Variants in PRKAG2 observed in about 807,000 individuals in gnomAD.
PRKAG2 encodes the protein protein kinase AMP-activated non-catalytic subunit gamma 2.
Under a neutral mutation model 69.6 loss-of-function variants are expected in PRKAG2, and 26 were observed. The observed-to-expected ratio is 0.37, with a 90% CI of 0.27 to 0.52. The LOEUF is 0.52. Among genes scored for constraint, PRKAG2 ranks in the 20% least tolerant of loss-of-function variants. PRKAG2 has a pLI of 0.90. For missense variants in PRKAG2, 557 were observed against 740.0 expected (o/e 0.75, Z 2.87); for synonymous variants, 293 against 285.0 (o/e 1.03, Z -0.28).
At chr7:151,575,433 C>T (rs1285893353) in intron 7 of PRKAG2, among the ~76,000 whole-genome samples, 1 of 152,158 alleles carries the variant, frequency 6.6e-6, no homozygotes, top group Non-Finnish European at 1.5e-5. Flanking sequence ...AAGACATGAA[C>T]TTCTTCCCTG....
At chr7:151,732,572 C>T (rs767783746) in intron 3 of PRKAG2, among the ~76,000 whole-genome samples, 4 of 152,212 alleles carry the variant, frequency 2.6e-5, no homozygotes, top group Admixed American at 1.3e-4. Flanking sequence ...TTCCAGCTAT[C>T]GCAGAGCCAG....
chr7:151,691,513 T>G (rs1169431145), intron 3 of PRKAG2, among the ~76,000 whole-genome samples: 2 of 150,168 alleles, frequency 1.3e-5, no homozygotes, highest in African/African-American at 2.4e-5. Context: ...GACAGAAGAT[T>G]TAAACACATA....
At chr7:151,856,332 C>T (rs976997988) in intron 1 of PRKAG2, among the ~76,000 whole-genome samples, 2 of 152,246 alleles carry the variant, frequency 1.3e-5, no homozygotes, top group African/African-American at 4.8e-5. Flanking sequence ...CCAAGGCCCG[C>T]GCAGCCGAGG....
At chr7:151,847,043 A>T (rs1364954410) in intron 1 of PRKAG2, among the ~76,000 whole-genome samples, 1 of 152,228 alleles carries the variant, frequency 6.6e-6, no homozygotes, top group Non-Finnish European at 1.5e-5. Flanking sequence ...AGGGACTGCT[A>T]GGTAAATGCT....
At chr7:151,688,279 T>C (rs1835083831) in intron 3 of PRKAG2, among the ~76,000 whole-genome samples, 1 of 152,174 alleles carries the variant, frequency 6.6e-6, no homozygotes, top group Non-Finnish European at 1.5e-5. Context: ...TGTCTGAACA[T>C]GTTCTTAGGT....
At position 151,788,386 on chromosome 7, in the gene PRKAG2, G is replaced by A. The variant is rs1193544620; in HGVS notation, c.115-1845C>T. 3.9e-5 allele frequency among the ~76,000 whole-genome samples: 6 copies of A among 152,056 alleles called. No homozygotes were observed. The highest frequency in any genetic ancestry group is 1.2e-4 in the African/African-American group (5 of 41,384). ...TTGAATATCTTTTCATCTGCTTATC[G>A]GCCACTTGTCTATCATCTTTGGAGA... On this transcript the variant is annotated intron_variant, in intron 1 of 15. Transcript: ENST00000287878. The surrounding 1 kb of genome is among the most constrained non-coding windows in gnomAD (Gnocchi z 4.6).
At chr7:151,701,821 C>T (rs1302585968) in intron 3 of PRKAG2, among the ~76,000 whole-genome samples, 10 of 141,206 alleles carry the variant, frequency 7.1e-5, no homozygotes, top group Middle Eastern at 3.7e-3. Flanking sequence ...CCAGCCTGGG[C>T]GACAGAGCGA....
chr7:151,564,071 G>A lies in PRKAG2; in HGVS notation c.1584+7C>T, dbSNP rs111627309. The A allele has an allele frequency of 9.4e-4, 1,509 of 1,613,902 alleles. 5 individuals carry two copies. Among genetic ancestry groups the A allele is most frequent in the South Asian group, 2.4e-3 (216 of 91,058 alleles). On this transcript the variant is annotated splice_region_variant and intron_variant, in intron 14 of 15. Coordinates refer to ENST00000287878, the MANE Select transcript of PRKAG2 (RefSeq NM_016203.4). ...TCGGGGGAGCAGGACTGGGAAAGCCGTCTCACCTCAGCTCTTACTATTCTG... is the reference window on the plus strand; with the variant it reads ...TCGGGGGAGCAGGACTGGGAAAGCCATCTCACCTCAGCTCTTACTATTCTG...
At chr7:151,870,807 G>T (rs927562504) in intron 1 of PRKAG2, among the ~76,000 whole-genome samples, 2 of 152,244 alleles carry the variant, frequency 1.3e-5, no homozygotes, top group Admixed American at 1.3e-4. Context: ...CACGCGGCGG[G>T]GGGAGGCACC....
rs1158559692 is a variant in PRKAG2 at position 151,848,512 on chromosome 7, C to CTTTTTT, written c.114+27989_114+27994dup. On this transcript the variant is annotated intron_variant, in intron 1 of 15. Coordinates refer to ENST00000287878, the MANE Select transcript of PRKAG2 (RefSeq NM_016203.4). ...AACAGATGAAGAAAATACTGCATGT[C>CTTTTTT]TTTTTTTTTTTTTTTTTTTTTTTTT... Among the ~76,000 whole-genome samples the CTTTTTT allele has an allele frequency of 8.8e-3, 548 of 62,264 alleles. 110 individuals carry two copies. The highest frequency in any genetic ancestry group is 0.036 in the East Asian group (57 of 1,578). The allele number at this position is 62,264 out of a possible 152,430, so 40.8% of individuals were successfully genotyped here.
chr7:151,819,454 A>G (rs1480966382), intron 1 of PRKAG2, among the ~76,000 whole-genome samples: 1 of 152,178 alleles, frequency 6.6e-6, no homozygotes, highest in Non-Finnish European at 1.5e-5. Context: ...GAGACTGCCA[A>G]TATTTACCAA....
chr7:151,766,741 G>A (rs897011170), intron 3 of PRKAG2, among the ~76,000 whole-genome samples: 5 of 152,216 alleles, frequency 3.3e-5, no homozygotes, highest in African/African-American at 9.6e-5. Flanking sequence ...GCCCGCTAAA[G>A]TGTCTCCATT....
In PRKAG2 at chr7:151,610,599, C is replaced by T. The variant is rs367799308; in HGVS notation, c.755-15145G>A. Among the ~76,000 whole-genome samples, 248 of 151,530 alleles carry T rather than the reference C, an allele frequency of 1.6e-3. 1 individual carries two copies. The highest frequency in any genetic ancestry group is 5.8e-3 in the African/African-American group (241 of 41,346). On this transcript the variant is annotated intron_variant, in intron 5 of 15. Transcript: ENST00000287878. The stretch of plus-strand genomic sequence containing the variant: ...GGCTGAGGCAGGAGAATTGCTTGAA[C>T]CCAGGAGGCAGAAGTTGCAGTGAAC...
chr7:151,560,042 C>G, intron 15 of PRKAG2: 5 of 985,224 alleles, frequency 5.1e-6, no homozygotes, highest in Non-Finnish European at 6.0e-6. Context: ...CACACTCTAT[C>G]TGAAAGTGAA....
At chr7:151,768,548 C>T (rs2075858871) in intron 3 of PRKAG2, among the ~76,000 whole-genome samples, 1 of 152,218 alleles carries the variant, frequency 6.6e-6, no homozygotes. Context: ...TCACTGCAGC[C>T]TCTGTCTCCT....
chr7:151,840,681 T>C (rs762683721), intron 1 of PRKAG2, among the ~76,000 whole-genome samples: 65 of 152,154 alleles, frequency 4.3e-4, no homozygotes, highest in Non-Finnish European at 4.9e-4. Context: ...CTGTGAAACA[T>C]GAACCCCCCG....
At chr7:151,578,960 A>G (rs1349475866) in intron 6 of PRKAG2, among the ~76,000 whole-genome samples, 1 of 152,130 alleles carries the variant, frequency 6.6e-6, no homozygotes, top group Non-Finnish European at 1.5e-5. Context: ...GCTTTTCTAA[A>G]CTGGTTGGAA....
At chr7:151,700,739 G>T (rs182112840) in intron 3 of PRKAG2, among the ~76,000 whole-genome samples, 410 of 142,498 alleles carry the variant, frequency 2.9e-3, no homozygotes, top group African/African-American at 9.6e-3. Context: ...GAAGCTGACG[G>T]TAGCTTCCAG....
intron 3 of PRKAG2, among the ~76,000 whole-genome samples, chr7:151,702,152 G>A: frequency 6.6e-6 from 1 of 152,244 alleles, no homozygotes; most frequent in East Asian, 1.9e-4. Context: ...ACTTCCCCCT[G>A]TGCGGGGAGT....
Sources: gnomAD v4.1 joint callset for allele counts (sites outside exome capture counted in the v4.1 genomes callset) on GRCh38, gnomAD v4.1.1 for gene constraint, Gnocchi (gnomAD v3.1) non-coding constraint, MANE v1.5 for transcripts, NCBI Gene and HGNC (gene_info 2026-07-23, HGNC 2026-07-21) for gene names.